The following ZNF423 variants were observed in gnomAD, a reference collection of about 807,000 sequenced individuals.
The protein encoded by ZNF423 is zinc finger protein 423, also known as Ebf-associated zinc finger protein.
ZNF423 carries 12 observed loss-of-function variants against 95.8 expected under a neutral mutation model. That is an observed-to-expected ratio of 0.13 (90% confidence interval 0.08 to 0.20). ZNF423 has a LOEUF of 0.20. ZNF423 is among the 10% of genes least tolerant of loss of function. The probability of loss-of-function intolerance (pLI) is 1.00; values close to 1 mark genes in which losing one functional copy is unlikely to be tolerated. For synonymous variants in ZNF423, 749 were observed against 711.9 expected (o/e 1.05, Z -0.83); for missense variants, 1,316 against 1,737.1 (o/e 0.76, Z 4.31).
At position 49,759,624 on chromosome 16, in the gene ZNF423, A is replaced by C. The variant is rs551000528; in HGVS notation, c.101-28653T>G. ...GCGCTTTGCAGGGCAATGGCTGTTG[A>C]AAAGCATGGAGTTGCACTTCTGCAA... is the stretch of plus-strand genomic sequence containing the variant. On this transcript the variant is annotated intron_variant, in intron 2 of 7. Coordinates refer to ENST00000563137, the MANE Select transcript of ZNF423 (RefSeq NM_001379286.1). Among the ~76,000 whole-genome samples, 8 of 152,352 alleles carry C rather than the reference A, an allele frequency of 5.3e-5. No individual in the cohort carries two copies. The South Asian group carries it at 1.7e-3, about 32-fold the overall frequency.
At chr16:49,746,852 G>A (rs761546038) in intron 2 of ZNF423, among the ~76,000 whole-genome samples, 2 of 152,178 alleles carry the variant, frequency 1.3e-5, no homozygotes, top group East Asian at 1.9e-4. Context: ...CCATCTACCC[G>A]AAGCAGCACC....
At chr16:49,820,268 C>T (rs2034921926) in intron 1 of ZNF423, among the ~76,000 whole-genome samples, 1 of 152,206 alleles carries the variant, frequency 6.6e-6, no homozygotes, top group Admixed American at 6.5e-5. Flanking sequence ...GAGCATGAAC[C>T]CTCTGCTTAA....
chr16:49,686,973 C>G (rs1221749394), intron 3 of ZNF423, among the ~76,000 whole-genome samples: 1 of 152,028 alleles, frequency 6.6e-6, no homozygotes, highest in Non-Finnish European at 1.5e-5. Context: ...TCATCTCTGT[C>G]TGCCCCAGGG....
At chr16:49,571,396 G>A (rs913122239) in intron 5 of ZNF423, among the ~76,000 whole-genome samples, 37 of 152,168 alleles carry the variant, frequency 2.4e-4, no homozygotes, top group African/African-American at 8.7e-4. Flanking sequence ...CAGGAGGGTA[G>A]ACAAAGGGGC....
At chr16:49,601,734 C>T (rs954684599) in intron 5 of ZNF423, among the ~76,000 whole-genome samples, 9 of 152,222 alleles carry the variant, frequency 5.9e-5, no homozygotes, top group African/African-American at 2.2e-4. Flanking sequence ...CTCAGTCAGC[C>T]TGTGGTCCCC....
intron 1 of ZNF423, among the ~76,000 whole-genome samples, chr16:49,817,260 A>G (rs928605521): frequency 5.5e-4 from 83 of 152,154 alleles, no homozygotes; most frequent in Non-Finnish European, 7.8e-4. Context: ...GAGGCAGGGG[A>G]AAGTTTACCT....
intron 4 of ZNF423, among the ~76,000 whole-genome samples, chr16:49,632,692 C>T (rs1028313822): frequency 9.2e-5 from 14 of 152,194 alleles, no homozygotes; most frequent in African/African-American, 3.4e-4. Context: ...TTTACCAAAA[C>T]ACAGGCCACA....
intron 3 of ZNF423, among the ~76,000 whole-genome samples, chr16:49,686,777 T>C (rs2031581985): frequency 3.9e-5 from 1 of 25,622 alleles, no homozygotes; most frequent in Admixed American, 5.5e-4. Context: ...CTAGAAGCCA[T>C]GGACAGGAAC....
chr16:49,733,136 T>C (rs1376554309), intron 2 of ZNF423, among the ~76,000 whole-genome samples: 1 of 152,202 alleles, frequency 6.6e-6, no homozygotes, highest in African/African-American at 2.4e-5. Flanking sequence ...GCCTTCGATA[T>C]TGTAAGTCAT....
At chr16:49,748,438 G>A (rs909543690) in intron 2 of ZNF423, among the ~76,000 whole-genome samples, 21 of 152,286 alleles carry the variant, frequency 1.4e-4, no homozygotes, top group South Asian at 4.1e-4. Flanking sequence ...AACCACCTTC[G>A]GGGAGATGAG....
At chr16:49,771,598 T>G (rs2034036809) in intron 2 of ZNF423, among the ~76,000 whole-genome samples, 1 of 152,186 alleles carries the variant, frequency 6.6e-6, no homozygotes, top group Non-Finnish European at 1.5e-5. Context: ...CCCCATACTG[T>G]TCTCATGGTA....
At chr16:49,838,276 GT>G (rs912170394) in intron 1 of ZNF423, among the ~76,000 whole-genome samples, 2 of 152,196 alleles carry the variant, frequency 1.3e-5, no homozygotes, top group Non-Finnish European at 2.9e-5. Context: ...GAGTGCCTCC[GT>G]TCAAATCTTG....
At chr16:49,524,369 C>G (rs1445491593) in intron 6 of ZNF423, among the ~76,000 whole-genome samples, 2 of 152,218 alleles carry the variant, frequency 1.3e-5, no homozygotes, top group African/African-American at 4.8e-5. Context: ...GGCCCCCACA[C>G]AGAGGCCCCC....
At chr16:49,762,042 C>T (rs190738315) in intron 2 of ZNF423, among the ~76,000 whole-genome samples, 17 of 151,992 alleles carry the variant, frequency 1.1e-4, no homozygotes, top group African/African-American at 4.1e-4. Context: ...AAACTCCTGG[C>T]CTCAAGTGAT....
At chr16:49,682,066 A>C (rs1596847017) in intron 3 of ZNF423, among the ~76,000 whole-genome samples, 2 of 134,746 alleles carry the variant, frequency 1.5e-5, no homozygotes, top group African/African-American at 2.9e-5. Context: ...TCCTCTAATT[A>C]CCCCCCAGTC....
At chr16:49,535,211 G>A (rs568671055) in intron 5 of ZNF423, among the ~76,000 whole-genome samples, 1 of 152,330 alleles carries the variant, frequency 6.6e-6, no homozygotes, top group Admixed American at 6.5e-5. Context: ...TACCAGTGGA[G>A]GCTCCTTCCA....
chr16:49,731,477 T>C, intron 2 of ZNF423: 12 of 609,916 alleles, frequency 2.0e-5, no homozygotes, highest in Non-Finnish European at 2.5e-5. Context: ...ATAAAGGAAG[T>C]ACACATGTTT....
intron 3 of ZNF423, among the ~76,000 whole-genome samples, chr16:49,676,760 T>C (rs2031067031): frequency 6.6e-6 from 1 of 152,200 alleles, no homozygotes; most frequent in Non-Finnish European, 1.5e-5. Flanking sequence ...ACTGACCTTC[T>C]AACTCATGCC....
chr16:49,767,520 G>A (rs775354377), intron 2 of ZNF423, among the ~76,000 whole-genome samples: 2 of 152,144 alleles, frequency 1.3e-5, no homozygotes, highest in Non-Finnish European at 2.9e-5. Flanking sequence ...AACAGCCCAT[G>A]GAGCGCTGTT....
Sources: allele counts gnomAD v4.1 joint callset (sites outside exome capture counted in the v4.1 genomes callset), GRCh38; gene constraint gnomAD v4.1.1; transcripts MANE v1.5; gene names NCBI Gene and HGNC (gene_info 2026-07-23, HGNC 2026-07-21).